KLRC3: variants seen among roughly 807,000 people sequenced by gnomAD.
The protein encoded by KLRC3 is NKG2-E type II integral membrane protein.
A neutral mutation model predicts 23.6 loss-of-function variants in KLRC3; 16 were observed. The observed-to-expected ratio is 0.68, with a 90% CI of 0.46 to 1.03. The LOEUF is 1.03. Among genes scored for constraint, KLRC3 ranks in the 50% least tolerant of loss-of-function variants. The probability of loss-of-function intolerance (pLI) is 0.00; values close to 1 mark genes in which losing one functional copy is unlikely to be tolerated. For missense variants in KLRC3, 209 were observed against 232.2 expected (o/e 0.90, Z 0.65); for synonymous variants, 70 against 71.8 (o/e 0.98, Z 0.13).
In KLRC3 at chr12:10,420,448, C is replaced by A; in HGVS notation, c.103G>T (p.Glu35Ter). ...AATTCTACTTGGAATATTTCCTGTT[C>A]GGTTCCTGAAATGGAGCTTTTATTG... ...KGNKSSISGT[E>*]QEIFQVELNL... The change falls in exon 1 of 7, where the codon GAA becomes TAA. Residue 35 changes from glutamate (E) to a stop codon, truncating the protein, a stop_gained. Coordinates refer to ENST00000396439, the MANE Select transcript of KLRC3 (RefSeq NM_002261.3). LOFTEE classifies it high-confidence loss of function. The A allele has an allele frequency of 6.2e-7, 1 of 1,613,346 alleles. No homozygotes were observed. Among genetic ancestry groups the A allele is most frequent in the Non-Finnish European group, 8.5e-7 (1 of 1,179,756 alleles).
intron 4 of KLRC3, among the ~76,000 whole-genome samples, chr12:10,417,267 GTC>G (rs1863658890): frequency 6.7e-6 from 1 of 150,248 alleles, no homozygotes; most frequent in South Asian, 2.1e-4. Context: ...GTGTAGACTC[GTC>G]TCTCTCTGCT....
At chr12:10,416,107 A>G (rs1863639129) in intron 5 of KLRC3, among the ~76,000 whole-genome samples, 1 of 152,238 alleles carries the variant, frequency 6.6e-6, no homozygotes, top group South Asian at 2.1e-4. Flanking sequence ...GATTGACAAC[A>G]ATAACTACTA....
chr12:10,418,403 G>A lies in KLRC3; in HGVS notation c.427C>T (p.Gln143Ter), dbSNP rs775534366. 7 of 1,612,088 alleles carry A rather than the reference G, an allele frequency of 4.3e-6. No individual in the cohort carries two copies. The highest frequency in any genetic ancestry group is 5.9e-6 in the Non-Finnish European group (7 of 1,178,322). Reference protein sequence around the residue: ...KERRTWEESLQACASKNSSSL... With the variant: ...KERRTWEESL ...GAAGAGTTCTTTGAAGCACAGGCCTGCAAACTCTCTTCCCAAGTTCTTCTT... is the reference window on the plus strand; with the variant it reads ...GAAGAGTTCTTTGAAGCACAGGCCTACAAACTCTCTTCCCAAGTTCTTCTT... The change falls in exon 4 of 7, where the codon CAG becomes TAG. Residue 143 changes from glutamine (Q) to a stop codon, truncating the protein, a stop_gained. Transcript: ENST00000396439. LOFTEE classifies it high-confidence loss of function.
chr12:10,416,567 A>T, intron 5 of KLRC3, 100 bp downstream of exon 5: 1 of 1,375,352 alleles, frequency 7.3e-7, no homozygotes, highest in Non-Finnish European at 9.9e-7. Flanking sequence ...AACTTTCCAC[A>T]TCTTTCTTCA....
intron 4 of KLRC3, among the ~76,000 whole-genome samples, chr12:10,417,752 A>G (rs1327160544): frequency 6.6e-6 from 1 of 152,246 alleles, no homozygotes; most frequent in Non-Finnish European, 1.5e-5. Flanking sequence ...ATGAATTCTT[A>G]GTGTTCTTTG....
At chr12:10,416,240 G>A (rs1863641049) in intron 5 of KLRC3, among the ~76,000 whole-genome samples, 4 of 152,220 alleles carry the variant, frequency 2.6e-5, no homozygotes, top group Non-Finnish European at 5.9e-5. Flanking sequence ...TCCATCTCAA[G>A]CTTGTCTAAC....
chr12:10,418,854 A>C (rs762958002), intron 3 of KLRC3, among the ~76,000 whole-genome samples, 190 bp downstream of exon 3: 3 of 152,028 alleles, frequency 2.0e-5, no homozygotes, highest in African/African-American at 7.2e-5. Flanking sequence ...AAGAGGGTAG[A>C]ATGATTTTAA....
chr12:10,412,331 AT>A lies in KLRC3; in HGVS notation c.*240del. On this transcript the variant is annotated 3_prime_UTR_variant, in exon 7 of 7. Transcript: ENST00000396439. ...CACTCATTATATTGTTCATTGATTT[AT>A]TTTCCAATCATAACGGTCTGCATTT... The A allele has an allele frequency of 1.8e-6, 1 of 542,266 alleles. No individual in the cohort carries two copies. Among genetic ancestry groups the A allele is most frequent in the East Asian group, 3.3e-5 (1 of 30,012 alleles). The allele number at this position is 542,266 out of a possible 1,614,324, so 33.6% of individuals were successfully genotyped here.
intron 6 of KLRC3, 29 bp from the exon 7 acceptor site, chr12:10,412,645 A>T: frequency 1.4e-6 from 1 of 698,118 alleles, no homozygotes. Flanking sequence ...ATTAGCCAGC[A>T]TGATGGTATT....
chr12:10,418,488 A>G lies in KLRC3; in HGVS notation c.342T>C (p.Cys114=). Residue 114 remains cysteine (C), a synonymous_variant, in exon 4 of 7, where the codon TGT becomes TGC. Coordinates refer to ENST00000396439, the MANE Select transcript of KLRC3 (RefSeq NM_002261.3). ...TAATCCACTCCTCAGGACAATGGCCACAATGACGTGCTAATAAAGATATGA... is the reference window on the plus strand; with the variant it reads ...TAATCCACTCCTCAGGACAATGGCCGCAATGACGTGCTAATAAAGATATGA... The part of the protein sequence containing the change: ...PNARTQKARH[C]GHCPEEWITY... 6.3e-7 allele frequency: 1 copy of G among 1,587,864 alleles called. No homozygotes were observed. Among genetic ancestry groups the G allele is most frequent in the South Asian group, 1.1e-5 (1 of 89,496 alleles).
chr12:10,412,363 T>C lies in KLRC3; in HGVS notation c.*209A>G. ...AATCATAACGGTCTGCATTTTAATA[T>C]TAATATTTGTTGTAAATGACTAATG... is the stretch of plus-strand genomic sequence containing the variant. On this transcript the variant is annotated 3_prime_UTR_variant, in exon 7 of 7. Transcript: ENST00000396439. 1 of 572,242 alleles carries C rather than the reference T, an allele frequency of 1.7e-6. No homozygotes were observed. Among genetic ancestry groups the C allele is most frequent in the Non-Finnish European group, 3.1e-6 (1 of 325,682 alleles). 35.4% of individuals were successfully genotyped at this position (572,242 alleles called of 1,614,324 possible).
chr12:10,418,529 A>G (rs1224020086), intron 3 of KLRC3, 31 bp from the exon 4 acceptor site: 1 of 1,522,460 alleles, frequency 6.6e-7, no homozygotes, highest in Admixed American at 2.0e-5. Flanking sequence ...TATCTAGACC[A>G]ATATGAATTT....
Position 10,420,465 on chromosome 12 carries a change from C to A in KLRC3, c.86G>T (p.Ser29Ile), listed in dbSNP as rs748478071. The A allele has an allele frequency of 1.7e-5, 28 of 1,612,482 alleles. No homozygotes were observed. Among genetic ancestry groups the A allele is most frequent in the Non-Finnish European group, 2.2e-5 (26 of 1,179,512 alleles). Residue 29 changes from serine (S) to isoleucine (I), a missense_variant, in exon 1 of 7, where the codon AGC becomes ATC. Ser to Ile is a moderately radical substitution (Grantham distance 142). Transcript: ENST00000396439. ...WQQRKPKGNK[S>I]SISGTEQEIF... ...TTCCTGTTCGGTTCCTGAAATGGAG[C>A]TTTTATTGCCTTTAGGTTTCCTTTG... is the stretch of plus-strand genomic sequence containing the variant.
chr12:10,414,390 A>C (rs913200257), intron 6 of KLRC3, among the ~76,000 whole-genome samples: 2 of 152,112 alleles, frequency 1.3e-5, no homozygotes, highest in African/African-American at 4.8e-5. Flanking sequence ...AAACTTTGTA[A>C]ATATGAATAA....
chr12:10,415,883 ATTTTATG>A (rs1428950366), intron 5 of KLRC3, 89 bp from the exon 6 acceptor site: 2 of 948,850 alleles, frequency 2.1e-6, no homozygotes, highest in Admixed American at 2.3e-5. Context: ...TAAGAAAATA[ATTTTATG>A]AAAAAGGGTA....
intron 6 of KLRC3, among the ~76,000 whole-genome samples, chr12:10,415,374 C>T (rs868230059): frequency 1.1e-4 from 16 of 152,142 alleles, no homozygotes; most frequent in African/African-American, 3.1e-4. Flanking sequence ...GCATTAGCAA[C>T]GCTATTTTAT....
At chr12:10,412,687 T>C in intron 6 of KLRC3, 71 bp from the exon 7 acceptor site, 3 of 679,548 alleles carry the variant, frequency 4.4e-6, no homozygotes, top group Non-Finnish European at 5.3e-6. Context: ...GTTGCTGAGG[T>C]GGGAGGATCG....
chr12:10,413,630 TTTA>T (rs932681340), intron 6 of KLRC3, among the ~76,000 whole-genome samples: 1 of 151,998 alleles, frequency 6.6e-6, no homozygotes, highest in African/African-American at 2.4e-5. Context: ...AGCGGTACTC[TTTA>T]TTATTATTAT....
intron 1 of KLRC3, 84 bp downstream of exon 1, chr12:10,420,280 A>C (rs1863702060): frequency 2.1e-6 from 3 of 1,410,516 alleles, no homozygotes; most frequent in Middle Eastern, 1.8e-4. Flanking sequence ...ACAAGTGTAA[A>C]ATATTCCCTA....
Sources: gnomAD v4.1 joint callset for allele counts (sites outside exome capture counted in the v4.1 genomes callset) on GRCh38, gnomAD v4.1.1 for gene constraint, MANE v1.5 for transcripts, NCBI Gene and HGNC (gene_info 2026-07-23, HGNC 2026-07-21) for gene names.